The following FARS2 variants were observed in gnomAD, a reference collection of about 807,000 sequenced individuals.
FARS2 encodes the protein phenylalanyl-tRNA synthetase 2, mitochondrial, also known as phenylalanine--tRNA ligase, mitochondrial.
A neutral mutation model predicts 46.4 loss-of-function variants in FARS2; 40 were observed. That is an observed-to-expected ratio of 0.86 (90% confidence interval 0.67 to 1.12). The LOEUF (loss-of-function observed/expected upper bound fraction) is 1.12, where lower values mean the gene tolerates loss of function less well. Ranked by LOEUF, FARS2 falls within the 50% of genes most tolerant of loss-of-function variation. The probability of loss-of-function intolerance (pLI) is 0.00; values close to 1 mark genes in which losing one functional copy is unlikely to be tolerated. For missense variants in FARS2, 513 were observed against 567.9 expected (o/e 0.90, Z 0.98); for synonymous variants, 234 against 214.9 (o/e 1.09, Z -0.78).
intron 3 of FARS2, among the ~76,000 whole-genome samples, chr6:5,410,238 C>G (rs1761865542): frequency 6.7e-6 from 1 of 149,610 alleles, no homozygotes; most frequent in Admixed American, 6.8e-5. Flanking sequence ...ACTGCAAACT[C>G]TGCCTCCTGG....
chr6:5,304,751 A>G (rs1768575610), intron 1 of FARS2, among the ~76,000 whole-genome samples: 1 of 152,256 alleles, frequency 6.6e-6, no homozygotes, highest in South Asian at 2.1e-4. Flanking sequence ...GTGTCTAAGG[A>G]TAACATAATG....
intron 6 of FARS2, among the ~76,000 whole-genome samples, chr6:5,657,566 TG>T (rs1158231936): frequency 1.3e-5 from 2 of 152,200 alleles, no homozygotes; most frequent in African/African-American, 4.8e-5. Context: ...CCTGGAAGTC[TG>T]TTGTTCTGGC....
chr6:5,475,583 A>G (rs1445139539), intron 4 of FARS2, among the ~76,000 whole-genome samples: 2 of 152,172 alleles, frequency 1.3e-5, no homozygotes, highest in Non-Finnish European at 2.9e-5. Flanking sequence ...GCTCTAGCTC[A>G]TGGCCTTCAA....
intron 1 of FARS2, among the ~76,000 whole-genome samples, chr6:5,314,344 G>A (rs1482744718): frequency 6.6e-6 from 1 of 152,110 alleles, no homozygotes; most frequent in Non-Finnish European, 1.5e-5. Flanking sequence ...TGGGACAGGT[G>A]TGTGGGGGTG....
At chr6:5,644,027 A>C (rs1023310187) in intron 6 of FARS2, among the ~76,000 whole-genome samples, 5 of 151,724 alleles carry the variant, frequency 3.3e-5, no homozygotes, top group Non-Finnish European at 7.4e-5. Context: ...TGTAATGAAC[A>C]CTCTTGCCCA....
chr6:5,587,298 G>C (rs1319269164), intron 5 of FARS2, among the ~76,000 whole-genome samples: 2 of 152,180 alleles, frequency 1.3e-5, no homozygotes, highest in Non-Finnish European at 2.9e-5. Context: ...TGAAGTGTTA[G>C]AGTCACCGTT....
chr6:5,600,111 C>T (rs188722739), intron 5 of FARS2, among the ~76,000 whole-genome samples: 9 of 152,268 alleles, frequency 5.9e-5, no homozygotes, highest in Admixed American at 2.0e-4. Flanking sequence ...TTCAAAAAGA[C>T]TTGAAAATCC....
intron 5 of FARS2, among the ~76,000 whole-genome samples, chr6:5,550,598 G>A (rs1771314864): frequency 6.6e-6 from 1 of 152,346 alleles, no homozygotes; most frequent in Admixed American, 6.5e-5. Flanking sequence ...GCATGTATAT[G>A]CAGGTGAGTT....
intron 2 of FARS2, chr6:5,371,234 G>C: frequency 2.1e-6 from 2 of 952,170 alleles, no homozygotes; most frequent in Non-Finnish European, 2.5e-6. Flanking sequence ...CAACTAAAGT[G>C]TTGGTACTAA....
At chr6:5,687,070 T>C (rs186824080) in intron 6 of FARS2, among the ~76,000 whole-genome samples, 1 of 152,240 alleles carries the variant, frequency 6.6e-6, no homozygotes, top group Admixed American at 6.5e-5. Flanking sequence ...GTAAATTTGT[T>C]TGAGTTCATT....
intron 6 of FARS2, among the ~76,000 whole-genome samples, chr6:5,658,081 ACC>A (rs1777683832): frequency 6.6e-6 from 1 of 152,064 alleles, no homozygotes; most frequent in Non-Finnish European, 1.5e-5. Context: ...ACATGGAGGA[ACC>A]CCTTCTCTAC....
At chr6:5,466,879 T>C in intron 4 of FARS2, 1 of 985,422 alleles carries the variant, frequency 1.0e-6, no homozygotes, top group Non-Finnish European at 1.2e-6. Context: ...TTCTATGGAT[T>C]CCTTGAACCC....
At chr6:5,587,837 T>G (rs1773702936) in intron 5 of FARS2, among the ~76,000 whole-genome samples, 1 of 152,138 alleles carries the variant, frequency 6.6e-6, no homozygotes. Flanking sequence ...TCTCTAAACC[T>G]CAACACTCTC....
At chr6:5,677,646 C>G (rs1778831650) in intron 6 of FARS2, among the ~76,000 whole-genome samples, 1 of 152,230 alleles carries the variant, frequency 6.6e-6, no homozygotes, top group Non-Finnish European at 1.5e-5. Flanking sequence ...AGTGGCTACC[C>G]AGCCCATGCA....
intron 6 of FARS2, among the ~76,000 whole-genome samples, chr6:5,671,830 G>A (rs1272303311): frequency 2.0e-5 from 3 of 152,144 alleles, no homozygotes; most frequent in Non-Finnish European, 4.4e-5. Context: ...ACGCGGGGAG[G>A]TGAGGCTTCT....
intron 1 of FARS2, chr6:5,291,145 G>A (rs1767474572): frequency 1.3e-5 from 2 of 152,188 alleles, no homozygotes; most frequent in Non-Finnish European, 1.5e-5. Flanking sequence ...ACTTTATGGT[G>A]CGATGTGCAT....
chr6:5,408,752 A>G (rs937959602), intron 3 of FARS2, among the ~76,000 whole-genome samples: 2 of 152,226 alleles, frequency 1.3e-5, no homozygotes, highest in African/African-American at 4.8e-5. Flanking sequence ...AAAAGCAGGG[A>G]GCACATGACG....
intron 1 of FARS2, among the ~76,000 whole-genome samples, chr6:5,354,546 C>T (rs928792416): frequency 6.7e-6 from 1 of 148,776 alleles, no homozygotes; most frequent in Non-Finnish European, 1.5e-5. Context: ...TGGAGTCTCA[C>T]TCTGTTGCCC....
intron 6 of FARS2, among the ~76,000 whole-genome samples, chr6:5,758,391 C>T (rs575966464): frequency 2.6e-4 from 40 of 152,152 alleles, no homozygotes; most frequent in Non-Finnish European, 5.3e-4. Context: ...TATAGTGATA[C>T]ATTTAAATAG....
Sources: allele counts gnomAD v4.1 joint callset (sites outside exome capture counted in the v4.1 genomes callset), GRCh38; gene constraint gnomAD v4.1.1; transcripts MANE v1.5; gene names NCBI Gene and HGNC (gene_info 2026-07-23, HGNC 2026-07-21).